Variants in SORCS2 observed in about 807,000 individuals in gnomAD.
SORCS2 encodes VPS10 domain-containing receptor SorCS2.
A neutral mutation model predicts 141.6 loss-of-function variants in SORCS2; 100 were observed. The observed-to-expected ratio is 0.71, with a 90% CI of 0.60 to 0.83. SORCS2 has a LOEUF of 0.83. SORCS2 is among the 40% of genes least tolerant of loss of function. The pLI is 0.00. For missense variants in SORCS2, 1,646 were observed against 1,560.2 expected (o/e 1.05, Z -0.93); for synonymous variants, 789 against 676.9 (o/e 1.17, Z -2.57).
chr4:7,361,311 G>A (rs541985339), intron 1 of SORCS2, among the ~76,000 whole-genome samples: 2 of 152,302 alleles, frequency 1.3e-5, no homozygotes, highest in Non-Finnish European at 2.9e-5. Context: ...CCCTGACGCT[G>A]CTTCCCCCAT....
chr4:7,292,013 T>C (rs1290221142), intron 1 of SORCS2, among the ~76,000 whole-genome samples: 1 of 152,148 alleles, frequency 6.6e-6, no homozygotes, highest in Non-Finnish European at 1.5e-5. Context: ...CTGTGACTGT[T>C]GTCTGGGGGA....
chr4:7,396,366 C>A lies in SORCS2; in HGVS notation c.548+11C>A, dbSNP rs201154075. ...AAGTTCTCTGTGGCGGTAAGTCAGC[C>A]CGATGGCAGGCCTTTCTCTTATGCA... On this transcript the variant is annotated intron_variant, in intron 2 of 26. Coordinates refer to ENST00000507866, the MANE Select transcript of SORCS2 (RefSeq NM_020777.3). The A allele has an allele frequency of 6.2e-7, 1 of 1,613,700 alleles. No homozygotes were observed. Among genetic ancestry groups the A allele is most frequent in the African/African-American group, 1.3e-5 (1 of 75,044 alleles).
chr4:7,649,341 G>A (rs1036128678), intron 4 of SORCS2, among the ~76,000 whole-genome samples: 1 of 149,822 alleles, frequency 6.7e-6, no homozygotes, highest in Non-Finnish European at 1.5e-5. Context: ...AGCCAGAGGG[G>A]GGTCCAATGG....
At chr4:7,317,160 G>A (rs1367379437) in intron 1 of SORCS2, among the ~76,000 whole-genome samples, 1 of 152,214 alleles carries the variant, frequency 6.6e-6, no homozygotes, top group Non-Finnish European at 1.5e-5. Flanking sequence ...TGGCCATGGT[G>A]TGCCTGGTGT....
chr4:7,563,281 C>T (rs1714735729), intron 3 of SORCS2, among the ~76,000 whole-genome samples: 1 of 152,140 alleles, frequency 6.6e-6, no homozygotes, highest in Admixed American at 6.5e-5. Context: ...GGGCCAGGGA[C>T]TGTTCTTGGT....
chr4:7,453,275 T>A (rs1387465783), intron 2 of SORCS2, among the ~76,000 whole-genome samples: 1 of 134,448 alleles, frequency 7.4e-6, no homozygotes. Context: ...AGGCACTGTG[T>A]TGGGGTCAGG....
At chr4:7,626,678 T>G (rs961063801) in intron 3 of SORCS2, among the ~76,000 whole-genome samples, 3 of 152,224 alleles carry the variant, frequency 2.0e-5, no homozygotes, top group Admixed American at 6.5e-5. Context: ...AATTACCTGA[T>G]TTTATCTTGT....
In SORCS2 at chr4:7,733,330, C is replaced by T. The variant is rs1042985193; in HGVS notation, c.3117C>T (p.Ala1039=). Residue 1039 remains alanine (A), a synonymous_variant, in exon 24 of 27, where the codon GCC becomes GCT. Transcript: ENST00000507866. ...KRSLSSDKRL[A]AIQQVLNAQK... is the part of the protein sequence containing the mutation. ...CCCCTCTGTGCTTGCAGAGGCTCGCCGCCATCCAGCAGGTGCTGAACGCAC... is the reference window on the plus strand; with the variant it reads ...CCCCTCTGTGCTTGCAGAGGCTCGCTGCCATCCAGCAGGTGCTGAACGCAC... 4.9e-5 allele frequency: 76 copies of T among 1,553,582 alleles called. No individual in the cohort carries two copies. Among genetic ancestry groups the T allele is most frequent in the African/African-American group, 1.1e-4 (8 of 73,218 alleles).
intron 3 of SORCS2, among the ~76,000 whole-genome samples, chr4:7,609,427 G>T (rs763059995): frequency 2.6e-5 from 4 of 152,086 alleles, no homozygotes; most frequent in Admixed American, 2.0e-4. Flanking sequence ...CAGCCCACCC[G>T]GCCAGACCTG....
At chr4:7,293,137 T>C (rs1440108024) in intron 1 of SORCS2, among the ~76,000 whole-genome samples, 1 of 152,028 alleles carries the variant, frequency 6.6e-6, no homozygotes, top group Non-Finnish European at 1.5e-5. Flanking sequence ...ACCCTGTCTC[T>C]ACTAAAAATA....
chr4:7,346,940 C>A (rs1021716154), intron 1 of SORCS2, among the ~76,000 whole-genome samples: 8 of 152,144 alleles, frequency 5.3e-5, no homozygotes, highest in Admixed American at 5.2e-4. Flanking sequence ...GCCTATTTAG[C>A]TCTTTATGGT....
intron 11 of SORCS2, among the ~76,000 whole-genome samples, chr4:7,692,312 C>A (rs1015053500): frequency 1.3e-5 from 2 of 152,152 alleles, no homozygotes; most frequent in Admixed American, 6.5e-5. Context: ...CTGCCCACCC[C>A]GCCGTTCATT....
chr4:7,499,874 C>T (rs542515996), intron 2 of SORCS2, among the ~76,000 whole-genome samples: 10 of 152,224 alleles, frequency 6.6e-5, no homozygotes, highest in East Asian at 1.9e-4. Flanking sequence ...CCAGGCAGCG[C>T]GCAGTGGAGA....
rs1277001498 is a variant in SORCS2, at chr4:7,233,250, G to A, written c.480+40124G>A. Reference sequence around the variant, plus strand: ...GGCGTCGGCCAGCCCTGAGAACTAGGAAGGGTGGTGTGGGACCCAGACACC... The same window carrying A: ...GGCGTCGGCCAGCCCTGAGAACTAGAAAGGGTGGTGTGGGACCCAGACACC... On this transcript the variant is annotated intron_variant, in intron 1 of 26. Transcript: ENST00000507866. The surrounding 1 kb of genome is among the most constrained non-coding windows in gnomAD (Gnocchi z 4.5). Among the ~76,000 whole-genome samples, 1 of 152,190 alleles carries A rather than the reference G, an allele frequency of 6.6e-6. No individual in the cohort carries two copies. The highest frequency in any genetic ancestry group is 2.4e-5 in the African/African-American group (1 of 41,446).
rs1385818204 is a variant in SORCS2, at chr4:7,611,430, C to T, written c.649-26898C>T. On this transcript the variant is annotated intron_variant, in intron 3 of 26. Transcript: ENST00000507866. ...CCTCTCAGCCCCAAGGGAAACCGGC[C>T]GACCAGCACCCTGAGACTGCCCAGC... 7.2e-5 allele frequency among the ~76,000 whole-genome samples: 11 copies of T among 152,122 alleles called. No homozygotes were observed. In the East Asian group the frequency reaches 1.4e-3, roughly 19 times the overall value.
intron 2 of SORCS2, among the ~76,000 whole-genome samples, chr4:7,490,521 GGT>G (rs1491505389): frequency 1.9e-5 from 2 of 106,530 alleles, no homozygotes; most frequent in Non-Finnish European, 4.0e-5. Flanking sequence ...CTGCCAGGGA[GGT>G]GGGGCTGCCT....
In SORCS2 at chr4:7,317,900, G is replaced by A. The variant is rs115780903; in HGVS notation, c.481-78388G>A. 8.5e-3 allele frequency among the ~76,000 whole-genome samples: 1,301 copies of A among 152,238 alleles called. 15 individuals carry two copies. The highest frequency in any genetic ancestry group is 0.029 in the African/African-American group (1,220 of 41,546). ...AAGGCCCATTGAACGCTGAGCAGGC[G>A]CCCCTGCCCCCGGAATTTAAATGTT... On this transcript the variant is annotated intron_variant, in intron 1 of 26. Transcript: ENST00000507866.
At chr4:7,312,511 C>G (rs111244964) in intron 1 of SORCS2, among the ~76,000 whole-genome samples, 62 of 152,296 alleles carry the variant, frequency 4.1e-4, no homozygotes, top group African/African-American at 1.3e-3. Context: ...TAGTACCTAC[C>G]TGTCTCTGGT....
rs563059040 is a variant in SORCS2, at chr4:7,713,401, G to C, written c.1989+548G>C. ...AGAGTGTGGGGGCCTGGAACTGCTC[G>C]GGGGTGGGTGGCCCTGTTGAAGAAA... On this transcript the variant is annotated intron_variant, in intron 15 of 26. Coordinates refer to ENST00000507866, the MANE Select transcript of SORCS2 (RefSeq NM_020777.3). Among the ~76,000 whole-genome samples, 7 of 152,160 alleles carry C rather than the reference G, an allele frequency of 4.6e-5. No homozygotes were observed. The South Asian group carries it at 1.5e-3, about 32-fold the overall frequency.
Sources: gnomAD v4.1 joint callset for allele counts (sites outside exome capture counted in the v4.1 genomes callset) on GRCh38, gnomAD v4.1.1 for gene constraint, Gnocchi (gnomAD v3.1) non-coding constraint, MANE v1.5 for transcripts, NCBI Gene and HGNC (gene_info 2026-07-23, HGNC 2026-07-21) for gene names.